Variants in HMBOX1 observed in about 807,000 individuals in gnomAD.
HMBOX1 encodes the protein homeobox-containing protein 1.
Under a neutral mutation model 54.5 loss-of-function variants are expected in HMBOX1, and 14 were observed. The observed-to-expected ratio is 0.26, with a 90% confidence interval of 0.17 to 0.40. HMBOX1 has a LOEUF of 0.40. HMBOX1 is among the 10% of genes least tolerant of loss of function. The pLI is 1.00. For synonymous variants in HMBOX1, 160 were observed against 181.0 expected, an observed-to-expected ratio of 0.88 and a Z score of 0.93; for missense variants, 332 against 514.4, an observed-to-expected ratio of 0.65 and a Z score of 3.43.
At chr8:28,981,207 A>G (rs924898462) in intron 4 of HMBOX1, among the ~76,000 whole-genome samples, 40 of 152,204 alleles carry the variant, frequency 2.6e-4, no homozygotes, top group African/African-American at 3.4e-4. Context: ...AGGTCAGCCA[A>G]TCTTTTATAG....
At chr8:28,999,553 C>G (rs550134686) in intron 4 of HMBOX1, among the ~76,000 whole-genome samples, 1 of 151,894 alleles carries the variant, frequency 6.6e-6, no homozygotes, top group Non-Finnish European at 1.5e-5. Flanking sequence ...GGTTTTTGAG[C>G]CTTTGTTCCA....
intron 3 of HMBOX1, among the ~76,000 whole-genome samples, chr8:28,973,955 C>G (rs1036333434): frequency 6.6e-6 from 1 of 151,616 alleles, no homozygotes; most frequent in East Asian, 1.9e-4. Flanking sequence ...GCTGGGATTA[C>G]AGCGTGCACC....
chr8:29,019,622 AT>A (rs1800858736), intron 6 of HMBOX1, among the ~76,000 whole-genome samples: 1 of 152,112 alleles, frequency 6.6e-6, no homozygotes, highest in African/African-American at 2.4e-5. Context: ...CCAGCTGTAC[AT>A]TTTTCTTATC....
intron 1 of HMBOX1, among the ~76,000 whole-genome samples, chr8:28,923,812 G>A (rs1253623132): frequency 6.6e-6 from 1 of 152,070 alleles, no homozygotes; most frequent in Non-Finnish European, 1.5e-5. Flanking sequence ...AGCCATCGTA[G>A]TGTGAAGTGG....
chr8:28,942,577 A>T (rs1359887050), intron 1 of HMBOX1, among the ~76,000 whole-genome samples: 1 of 152,028 alleles, frequency 6.6e-6, no homozygotes, highest in African/African-American at 2.4e-5. Context: ...AAATCTATAT[A>T]TAGTTATTTA....
At chr8:29,030,518 C>T (rs562081484) in intron 6 of HMBOX1, among the ~76,000 whole-genome samples, 6 of 152,210 alleles carry the variant, frequency 3.9e-5, no homozygotes, top group African/African-American at 1.2e-4. Flanking sequence ...AACGCCCGGC[C>T]GGTCAATAAC....
At chr8:29,009,288 TTACTA>T in intron 5 of HMBOX1, 106 bp downstream of exon 5, 1 of 1,081,610 alleles carries the variant, frequency 9.2e-7, no homozygotes, top group Non-Finnish European at 1.3e-6. Flanking sequence ...GTTTCATACT[TTACTA>T]TGGTTGCTTT....
At chr8:28,960,908 T>C (rs971496070) in intron 1 of HMBOX1, among the ~76,000 whole-genome samples, 15 of 150,950 alleles carry the variant, frequency 9.9e-5, no homozygotes, top group African/African-American at 3.7e-4. Flanking sequence ...TGCCTCAGAC[T>C]CCTGAGCAGC....
intron 4 of HMBOX1, among the ~76,000 whole-genome samples, chr8:28,984,600 G>T (rs898513590): frequency 3.3e-5 from 5 of 152,122 alleles, no homozygotes; most frequent in Admixed American, 6.5e-5. Flanking sequence ...TTTCACAGTC[G>T]CAGCTGTTCC....
At chr8:28,909,585 G>A (rs1815016199) in intron 1 of HMBOX1, among the ~76,000 whole-genome samples, 1 of 152,148 alleles carries the variant, frequency 6.6e-6, no homozygotes, top group South Asian at 2.1e-4. Flanking sequence ...AGTATTAGGA[G>A]TCATTGCTAA....
At chr8:28,988,467 T>C (rs1830474680) in intron 4 of HMBOX1, among the ~76,000 whole-genome samples, 1 of 152,216 alleles carries the variant, frequency 6.6e-6, no homozygotes, top group African/African-American at 2.4e-5. Context: ...ATTGTGGGGT[T>C]GTTGGTAAAT....
At chr8:28,946,768 A>G (rs1198220571) in intron 1 of HMBOX1, among the ~76,000 whole-genome samples, 1 of 152,212 alleles carries the variant, frequency 6.6e-6, no homozygotes, top group Non-Finnish European at 1.5e-5. Context: ...TGCCACCTGT[A>G]GTTACATATA....
intron 1 of HMBOX1, among the ~76,000 whole-genome samples, chr8:28,921,643 A>G (rs959586867): frequency 1.3e-5 from 2 of 152,240 alleles, no homozygotes; most frequent in African/African-American, 4.8e-5. Flanking sequence ...CAGTGTTATG[A>G]TAACTGCAAA....
chr8:28,922,447 T>C (rs1280854948), intron 1 of HMBOX1, among the ~76,000 whole-genome samples: 5 of 152,232 alleles, frequency 3.3e-5, no homozygotes, highest in African/African-American at 1.2e-4. Context: ...CTTTTATTTT[T>C]GAATTCTACT....
intron 1 of HMBOX1, among the ~76,000 whole-genome samples, chr8:28,957,060 G>A (rs1006903668): frequency 2.0e-5 from 3 of 152,182 alleles, no homozygotes; most frequent in Non-Finnish European, 4.4e-5. Flanking sequence ...CCTGGGCGTG[G>A]AGGGTATAAA....
intron 1 of HMBOX1, among the ~76,000 whole-genome samples, chr8:28,933,468 A>C (rs1176978750): frequency 6.6e-6 from 1 of 152,238 alleles, no homozygotes; most frequent in Non-Finnish European, 1.5e-5. Context: ...AACATTAATC[A>C]ATAAAATAGA....
At chr8:28,964,568 C>G (rs1010073774) in intron 2 of HMBOX1, among the ~76,000 whole-genome samples, 1 of 152,076 alleles carries the variant, frequency 6.6e-6, no homozygotes, top group Admixed American at 6.5e-5. Context: ...TCTTTAGAGT[C>G]GAATGCAGAG....
intron 9 of HMBOX1, chr8:29,050,218 A>G: frequency 1.0e-6 from 1 of 984,856 alleles, no homozygotes; most frequent in Non-Finnish European, 1.2e-6. Flanking sequence ...ACCCTTTCCA[A>G]AGCTCTTTGA....
At chr8:29,023,646 C>T (rs150424994) in intron 6 of HMBOX1, among the ~76,000 whole-genome samples, 2,284 of 152,220 alleles carry the variant, frequency 0.015, 39 homozygotes, top group African/African-American at 0.039. Flanking sequence ...AAGAGATCCA[C>T]CTGCCTCAGT....
Sources: allele counts gnomAD v4.1 joint callset (sites outside exome capture counted in the v4.1 genomes callset), GRCh38; gene constraint gnomAD v4.1.1; transcripts MANE v1.5; gene names NCBI Gene and HGNC (gene_info 2026-07-23, HGNC 2026-07-21).